The following ARIH1 variants were observed in gnomAD, a reference collection of about 807,000 sequenced individuals.
The protein encoded by ARIH1 is E3 ubiquitin-protein ligase ARIH1.
Under a neutral mutation model 85.0 loss-of-function variants are expected in ARIH1, and 8 were observed. The ratio of observed to expected loss-of-function variants is 0.09; its 90% CI spans 0.06 to 0.17. The LOEUF is 0.17. Among genes scored for constraint, ARIH1 ranks in the 10% least tolerant of loss-of-function variants. ARIH1 has a pLI of 1.00. For synonymous variants in ARIH1, 238 were observed against 253.6 expected (o/e 0.94, Z 0.59); for missense variants, 311 against 718.1 (o/e 0.43, Z 6.48).
At chr15:72,502,728 C>T (rs1249340972) in intron 1 of ARIH1, among the ~76,000 whole-genome samples, 1 of 152,056 alleles carries the variant, frequency 6.6e-6, no homozygotes, top group Non-Finnish European at 1.5e-5. Flanking sequence ...ATTGCCTGAG[C>T]CTGGGAGGCA....
intron 1 of ARIH1, among the ~76,000 whole-genome samples, chr15:72,477,867 G>T (rs150092178): frequency 1.3e-4 from 20 of 151,998 alleles, no homozygotes; most frequent in African/African-American, 4.8e-4. Flanking sequence ...GTGCAGTCGC[G>T]TGATCTCAGC....
chr15:72,510,992 C>A (rs1263218450), intron 1 of ARIH1, among the ~76,000 whole-genome samples: 1 of 150,824 alleles, frequency 6.6e-6, no homozygotes, highest in Non-Finnish European at 1.5e-5. Context: ...AATTTAGAAT[C>A]ACTTTGATGT....
chr15:72,514,359 T>G (rs1333445756), intron 1 of ARIH1, among the ~76,000 whole-genome samples: 3 of 152,210 alleles, frequency 2.0e-5, no homozygotes, highest in Non-Finnish European at 2.9e-5. Context: ...TTTCTGATAG[T>G]GAGCCGGTCC....
At chr15:72,564,067 A>G (rs1339303929) in intron 7 of ARIH1, among the ~76,000 whole-genome samples, 2 of 152,150 alleles carry the variant, frequency 1.3e-5, no homozygotes, top group East Asian at 1.9e-4. Flanking sequence ...TAGGTGTTCT[A>G]GTTTTTTCCA....
At chr15:72,508,428 G>A (rs958601746) in intron 1 of ARIH1, among the ~76,000 whole-genome samples, 13 of 152,174 alleles carry the variant, frequency 8.5e-5, no homozygotes, top group African/African-American at 3.1e-4. Flanking sequence ...ACAAGTCCTT[G>A]TAGGGAGTGG....
intron 2 of ARIH1, among the ~76,000 whole-genome samples, chr15:72,524,721 A>G (rs1339135854): frequency 1.3e-5 from 2 of 152,236 alleles, no homozygotes; most frequent in Non-Finnish European, 2.9e-5. Context: ...GTAGAAAATT[A>G]TCTCCAAACA....
chr15:72,502,250 T>C (rs2140402244), intron 1 of ARIH1, among the ~76,000 whole-genome samples: 1 of 152,200 alleles, frequency 6.6e-6, no homozygotes, highest in East Asian at 1.9e-4. Flanking sequence ...GATTAAACTC[T>C]TGATGTTTTC....
At chr15:72,528,747 C>T (rs1251777495) in intron 2 of ARIH1, among the ~76,000 whole-genome samples, 1 of 152,120 alleles carries the variant, frequency 6.6e-6, no homozygotes, top group Non-Finnish European at 1.5e-5. Flanking sequence ...CCCAGCTACT[C>T]AGAAGGCTGA....
intron 3 of ARIH1, 109 bp from the exon 4 acceptor site, chr15:72,555,162 C>T (rs2064169700): frequency 4.1e-6 from 3 of 731,962 alleles, no homozygotes. Flanking sequence ...TCAAATTGGA[C>T]ATTTTAGCCA....
In ARIH1 at chr15:72,591,232, AAAAAAAAAAAAG is replaced by A. The variant is rs1318336833; in HGVS notation, c.*7943_*7954del. 1 of 151,576 alleles carries A rather than the reference AAAAAAAAAAAAG, an allele frequency of 6.6e-6. No homozygotes were observed. Among genetic ancestry groups the A allele is most frequent in the East Asian group, 1.9e-4 (1 of 5,176 alleles). 9.4% of individuals were successfully genotyped at this position (151,576 alleles called of 1,614,324 possible). ...GAGACTCTGTCTCAAAAAAAAAAAAAAAAAAAAAAAAGAAGAAGAAGAAGAAATACAAAACCA... is the reference window on the plus strand; with the variant it reads ...GAGACTCTGTCTCAAAAAAAAAAAAAAAGAAGAAGAAGAAATACAAAACCA... On this transcript the variant is annotated 3_prime_UTR_variant, in exon 14 of 14. Transcript: ENST00000379887.
chr15:72,477,460 A>G (rs1461185616), intron 1 of ARIH1, among the ~76,000 whole-genome samples: 1 of 152,256 alleles, frequency 6.6e-6, no homozygotes, highest in African/African-American at 2.4e-5. Context: ...GTGTGAAATC[A>G]GGTAAGATAC....
At chr15:72,495,954 A>G (rs1219156512) in intron 1 of ARIH1, among the ~76,000 whole-genome samples, 1 of 152,174 alleles carries the variant, frequency 6.6e-6, no homozygotes, top group Non-Finnish European at 1.5e-5. Flanking sequence ...TCTGTCACCC[A>G]AGCTGGAGTG....
At chr15:72,475,199 C>G (rs757055711) in intron 1 of ARIH1, 185 bp downstream of exon 1, 7 of 1,297,848 alleles carry the variant, frequency 5.4e-6, no homozygotes, top group Non-Finnish European at 6.0e-6. Flanking sequence ...GCCGATTAGC[C>G]GGGTGTGGGG....
At chr15:72,538,364 G>A (rs888512466) in intron 2 of ARIH1, among the ~76,000 whole-genome samples, 18 of 152,124 alleles carry the variant, frequency 1.2e-4, no homozygotes, top group South Asian at 6.2e-4. Context: ...CCTCTCCCCC[G>A]CAAATAAATA....
rs35694095 is a variant in ARIH1, at chr15:72,490,242, CA to C, written c.375+15243del. The stretch of plus-strand genomic sequence containing the variant: ...AGGGAATGCTGAAATGTCTCCTTCT[CA>C]AAAAAAAAAAAAAAGTCTCCTTCTC... On this transcript the variant is annotated intron_variant, in intron 1 of 13. Coordinates refer to ENST00000379887, the MANE Select transcript of ARIH1 (RefSeq NM_005744.5). Among the ~76,000 whole-genome samples, 494 of 116,938 alleles carry C rather than the reference CA, an allele frequency of 4.2e-3. 2 individuals carry two copies. The highest frequency in any genetic ancestry group is 7.9e-3 in the African/African-American group (245 of 31,134). The allele number at this position is 116,938 out of a possible 152,430, so 76.7% of individuals were successfully genotyped here. A position where few individuals can be genotyped will look rare whatever the true frequency, so the allele number is the denominator to read the frequency against.
intron 2 of ARIH1, among the ~76,000 whole-genome samples, chr15:72,533,401 G>A (rs1029542019): frequency 5.9e-5 from 9 of 152,242 alleles, no homozygotes; most frequent in African/African-American, 2.2e-4. Context: ...TGGGATTATA[G>A]GCGTGAGCCC....
chr15:72,569,376 A>G (rs1414448472), intron 9 of ARIH1, among the ~76,000 whole-genome samples: 3 of 152,230 alleles, frequency 2.0e-5, no homozygotes, highest in African/African-American at 7.2e-5. Context: ...ATACTTGTTA[A>G]GGAGTACAAT....
chr15:72,494,934 TAATA>T (rs2140398349), intron 1 of ARIH1, among the ~76,000 whole-genome samples: 1 of 152,366 alleles, frequency 6.6e-6, no homozygotes, highest in South Asian at 2.1e-4. Flanking sequence ...AATTTGATTT[TAATA>T]AATTCTGTTT....
intron 1 of ARIH1, among the ~76,000 whole-genome samples, chr15:72,496,076 A>T (rs892385386): frequency 5.3e-5 from 8 of 151,958 alleles, no homozygotes; most frequent in South Asian, 4.2e-4. Flanking sequence ...ACACCTAATT[A>T]AAAAAAATTT....
Sources: allele counts gnomAD v4.1 joint callset (sites outside exome capture counted in the v4.1 genomes callset), GRCh38; gene constraint gnomAD v4.1.1; transcripts MANE v1.5; gene names NCBI Gene and HGNC (gene_info 2026-07-23, HGNC 2026-07-21).